PLCL1: variants seen among roughly 807,000 people sequenced by gnomAD.
PLCL1 encodes inactive phospholipase C-like protein 1.
In PLCL1, 41 loss-of-function variants were observed where a neutral mutation model predicts 84.4. The observed-to-expected ratio is 0.49, with a 90% confidence interval of 0.38 to 0.63. PLCL1 has a LOEUF of 0.63. PLCL1 is among the 30% of genes least tolerant of loss of function. The probability of loss-of-function intolerance (pLI) is 0.00; values close to 1 mark genes in which losing one functional copy is unlikely to be tolerated. For synonymous variants in PLCL1, 490 were observed against 488.3 expected, an observed-to-expected ratio of 1.00 and a Z score of -0.05; for missense variants, 1,206 against 1,367.8, an observed-to-expected ratio of 0.88 and a Z score of 1.87.
Position 197,868,382 on chromosome 2 carries a change from C to T in PLCL1, c.240+63043C>T, listed in dbSNP as rs556977428. ...AAACAGGTAGGAAGCTGAATTGGCT[C>T]GTGAGATAACCTAAGAGATATCCCA... On this transcript the variant is annotated intron_variant, in intron 1 of 5. Coordinates refer to ENST00000428675, the MANE Select transcript of PLCL1 (RefSeq NM_006226.4). 2.6e-5 allele frequency among the ~76,000 whole-genome samples: 4 copies of T among 152,282 alleles called. No individual in the cohort carries two copies. The East Asian group carries it at 7.7e-4, about 29-fold the overall frequency.
At chr2:197,836,446 C>CAAAAAAAAAA (rs35510400) in intron 1 of PLCL1, among the ~76,000 whole-genome samples, 1 of 34,534 alleles carries the variant, frequency 2.9e-5, no homozygotes, top group African/African-American at 1.0e-4. Context: ...GACTCCGTCT[C>CAAAAAAAAAA]AAAAAAAAAA....
chr2:197,987,130 C>A (rs1448915426), intron 1 of PLCL1, among the ~76,000 whole-genome samples: 2 of 152,102 alleles, frequency 1.3e-5, no homozygotes, highest in Non-Finnish European at 2.9e-5. Flanking sequence ...AAGTAAGCAT[C>A]CAGAGGAGAG....
intron 1 of PLCL1, among the ~76,000 whole-genome samples, chr2:197,974,589 A>G (rs1190839941): frequency 6.6e-6 from 1 of 152,234 alleles, no homozygotes; most frequent in African/African-American, 2.4e-5. Context: ...TGCAGAGCAC[A>G]AAGTTTGTTT....
chr2:198,035,910 C>G (rs1213149089), intron 1 of PLCL1, among the ~76,000 whole-genome samples: 1 of 152,098 alleles, frequency 6.6e-6, no homozygotes, highest in Non-Finnish European at 1.5e-5. Flanking sequence ...GGGGTGTGCA[C>G]CTGTAGTCCC....
chr2:197,810,265 G>A (rs1003854553), intron 1 of PLCL1: 2 of 1,255,532 alleles, frequency 1.6e-6, no homozygotes, highest in Admixed American at 4.7e-5. Flanking sequence ...CTTATTGCAG[G>A]GTCTTTCTGA....
intron 1 of PLCL1, among the ~76,000 whole-genome samples, chr2:198,042,767 T>C (rs1028450376): frequency 2.0e-5 from 3 of 152,202 alleles, no homozygotes; most frequent in Non-Finnish European, 4.4e-5. Flanking sequence ...GGCGAATCTA[T>C]ACAATGCCTA....
intron 1 of PLCL1, among the ~76,000 whole-genome samples, chr2:197,905,845 T>C (rs1423194830): frequency 6.6e-6 from 1 of 152,252 alleles, no homozygotes; most frequent in Non-Finnish European, 1.5e-5. Flanking sequence ...TTTTCATATG[T>C]TTGTTGGCTG....
chr2:198,114,129 A>G (rs1388566878), intron 5 of PLCL1, among the ~76,000 whole-genome samples: 1 of 151,904 alleles, frequency 6.6e-6, no homozygotes, highest in Non-Finnish European at 1.5e-5. Flanking sequence ...ATTATTTCAA[A>G]CAGCTCTTAT....
intron 3 of PLCL1, among the ~76,000 whole-genome samples, chr2:198,097,239 T>G (rs1372378535): frequency 2.0e-5 from 3 of 152,212 alleles, no homozygotes; most frequent in Non-Finnish European, 4.4e-5. Flanking sequence ...GGTACAGCAA[T>G]GTCTTTGGAC....
At chr2:198,017,289 C>G (rs116294269) in intron 1 of PLCL1, among the ~76,000 whole-genome samples, 18 of 152,144 alleles carry the variant, frequency 1.2e-4, no homozygotes, top group Non-Finnish European at 2.5e-4. Context: ...CCTACACAGT[C>G]GAGAATTATC....
chr2:198,052,467 G>C (rs1183925344), intron 1 of PLCL1, among the ~76,000 whole-genome samples: 2 of 151,856 alleles, frequency 1.3e-5, no homozygotes, highest in South Asian at 2.1e-4. Flanking sequence ...GTCTCTGGCA[G>C]TGTGCAGACT....
chr2:198,135,227 T>C (rs1174077601), intron 5 of PLCL1, among the ~76,000 whole-genome samples: 2 of 152,136 alleles, frequency 1.3e-5, no homozygotes, highest in Non-Finnish European at 2.9e-5. Flanking sequence ...GATCTCAGGG[T>C]CATTTATTAT....
At chr2:197,862,540 G>A (rs895740563) in intron 1 of PLCL1, among the ~76,000 whole-genome samples, 2 of 152,164 alleles carry the variant, frequency 1.3e-5, no homozygotes, top group Admixed American at 6.6e-5. Context: ...ACAGCTGGAT[G>A]TAGGGGCCTG....
intron 1 of PLCL1, among the ~76,000 whole-genome samples, chr2:197,832,285 A>G (rs1249245378): frequency 6.6e-6 from 1 of 152,198 alleles, no homozygotes; most frequent in African/African-American, 2.4e-5. Flanking sequence ...AAAAGAGAGA[A>G]GAATCAAATA....
At chr2:197,824,420 C>T (rs898703701) in intron 1 of PLCL1, among the ~76,000 whole-genome samples, 5 of 151,316 alleles carry the variant, frequency 3.3e-5, no homozygotes, top group Non-Finnish European at 7.4e-5. Context: ...ATATGCAAAA[C>T]GTGAATGAAA....
intron 1 of PLCL1, among the ~76,000 whole-genome samples, chr2:198,048,588 A>T (rs1437014390): frequency 6.6e-6 from 1 of 152,158 alleles, no homozygotes; most frequent in African/African-American, 2.4e-5. Flanking sequence ...ACGTGGTGAG[A>T]TAAGGAACAA....
chr2:197,969,801 C>T (rs903692116), intron 1 of PLCL1, among the ~76,000 whole-genome samples: 1 of 152,196 alleles, frequency 6.6e-6, no homozygotes, highest in Non-Finnish European at 1.5e-5. Context: ...CTGCTCAACT[C>T]CTACTTTTCC....
At chr2:198,020,286 A>C (rs561517267) in intron 1 of PLCL1, among the ~76,000 whole-genome samples, 1 of 152,310 alleles carries the variant, frequency 6.6e-6, no homozygotes, top group Non-Finnish European at 1.5e-5. Flanking sequence ...GCAAAAGCAA[A>C]CCAAAATATA....
chr2:197,863,878 A>G (rs1205279069), intron 1 of PLCL1, among the ~76,000 whole-genome samples: 1 of 152,174 alleles, frequency 6.6e-6, no homozygotes, highest in Non-Finnish European at 1.5e-5. Flanking sequence ...GAGCACTTTG[A>G]TAAGATAGCT....
Sources: gnomAD v4.1 joint callset for allele counts (sites outside exome capture counted in the v4.1 genomes callset) on GRCh38, gnomAD v4.1.1 for gene constraint, MANE v1.5 for transcripts, NCBI Gene and HGNC (gene_info 2026-07-23, HGNC 2026-07-21) for gene names.